Variants in CDH13 observed in about 807,000 individuals in gnomAD.
CDH13 encodes cadherin 13.
CDH13 carries 24 observed loss-of-function variants against 63.8 expected under a neutral mutation model. That is an observed-to-expected ratio of 0.38 (90% CI 0.27 to 0.53). The LOEUF is 0.53. CDH13 is among the 20% of genes least tolerant of loss of function. The pLI is 0.85. For synonymous variants in CDH13, 503 were observed against 355.3 expected (o/e 1.42, Z -4.67); for missense variants, 1,049 against 903.1 (o/e 1.16, Z -2.07).
At chr16:82,857,389 T>C (rs1230349823) in intron 1 of CDH13, among the ~76,000 whole-genome samples, 1 of 152,212 alleles carries the variant, frequency 6.6e-6, no homozygotes, top group Non-Finnish European at 1.5e-5. Flanking sequence ...CCAGTATGTG[T>C]GGTAGGTGCT....
rs563939838 is a variant in CDH13 at position 83,497,229 on chromosome 16, C to T, written c.960+10574C>T. Among the ~76,000 whole-genome samples, 31 of 151,814 alleles carry T rather than the reference C, an allele frequency of 2.0e-4. 1 individual carries two copies. The highest frequency in any genetic ancestry group is 6.8e-3 in the Middle Eastern group (2 of 294). On this transcript the variant is annotated intron_variant, in intron 7 of 13. Coordinates refer to ENST00000567109, the MANE Select transcript of CDH13 (RefSeq NM_001257.5). ...ATGCACACGTATGTTTATTGCGGCA[C>T]TATTCACAATAGCAAAGACTTGGAA...
At chr16:83,140,694 A>G (rs1415650287) in intron 4 of CDH13, among the ~76,000 whole-genome samples, 1 of 152,120 alleles carries the variant, frequency 6.6e-6, no homozygotes, top group African/African-American at 2.4e-5. Flanking sequence ...ACCTCAGGTG[A>G]TCCACCCGCC....
chr16:82,833,515 G>A (rs745956044), intron 1 of CDH13, among the ~76,000 whole-genome samples: 4 of 152,194 alleles, frequency 2.6e-5, no homozygotes, highest in Non-Finnish European at 5.9e-5. Flanking sequence ...GTTGTCAAAT[G>A]CTGAGTTTGC....
Position 82,934,456 on chromosome 16 carries a change from G to A in CDH13, c.157+75983G>A, listed in dbSNP as rs142019201. 3.9e-5 allele frequency among the ~76,000 whole-genome samples: 6 copies of A among 152,290 alleles called. No homozygotes were observed. In the East Asian group the frequency reaches 1.2e-3, roughly 29 times the overall value. The stretch of plus-strand genomic sequence containing the variant: ...CATCTAGGCCTCAGGGCCTGTGATG[G>A]CAGGGGCTACCATGAAGATCTGTGA... On this transcript the variant is annotated intron_variant, in intron 2 of 13. Coordinates refer to ENST00000567109, the MANE Select transcript of CDH13 (RefSeq NM_001257.5).
chr16:83,284,302 G>A (rs956942166), intron 5 of CDH13, among the ~76,000 whole-genome samples: 3 of 152,156 alleles, frequency 2.0e-5, no homozygotes, highest in East Asian at 3.9e-4. Context: ...ACTAGATGGC[G>A]CTGGACTTAC....
chr16:82,760,361 C>T (rs1014617714), intron 1 of CDH13, among the ~76,000 whole-genome samples: 3 of 152,050 alleles, frequency 2.0e-5, no homozygotes, highest in Non-Finnish European at 2.9e-5. Context: ...AGGAAGTGGC[C>T]ACATCATAGT....
intron 1 of CDH13, among the ~76,000 whole-genome samples, chr16:82,746,619 G>A (rs7201087): frequency 0.26 from 39,743 of 151,462 alleles, 5,855 homozygotes; most frequent in South Asian, 0.38. Flanking sequence ...AAACCAAGAG[G>A]CATACTAGAA....
chr16:82,804,180 A>AC (rs3042612), intron 1 of CDH13, among the ~76,000 whole-genome samples: 20,967 of 151,356 alleles, frequency 0.14, 1,963 homozygotes, highest in African/African-American at 0.26. Flanking sequence ...GTGAGCTGAG[A>AC]TCACGCTACT....
At chr16:83,327,120 C>T (rs2090381688) in intron 5 of CDH13, among the ~76,000 whole-genome samples, 1 of 152,222 alleles carries the variant, frequency 6.6e-6, no homozygotes, top group African/African-American at 2.4e-5. Context: ...CAGATGGAAT[C>T]ACTTCAGTGA....
At chr16:83,757,367 C>A (rs1913597017) in intron 11 of CDH13, among the ~76,000 whole-genome samples, 1 of 152,162 alleles carries the variant, frequency 6.6e-6, no homozygotes, top group African/African-American at 2.4e-5. Context: ...CACCTGAGGT[C>A]AGGAGATCGA....
intron 8 of CDH13, among the ~76,000 whole-genome samples, chr16:83,657,045 G>C (rs964448514): frequency 2.7e-4 from 41 of 152,096 alleles, no homozygotes; most frequent in African/African-American, 8.2e-4. Context: ...CACTCAGTTG[G>C]GCTTCACTCT....
intron 6 of CDH13, among the ~76,000 whole-genome samples, chr16:83,377,400 C>G (rs965349909): frequency 1.3e-4 from 20 of 152,164 alleles, no homozygotes; most frequent in African/African-American, 4.1e-4. Context: ...AAGGCTATCT[C>G]TCTATGTGGA....
At chr16:83,159,480 A>G (rs557326345) in intron 4 of CDH13, among the ~76,000 whole-genome samples, 1 of 152,344 alleles carries the variant, frequency 6.6e-6, no homozygotes, top group South Asian at 2.1e-4. Context: ...ACTGAGCTAA[A>G]GTCTCTATGG....
chr16:83,166,414 C>G (rs918831632), intron 4 of CDH13, among the ~76,000 whole-genome samples: 3 of 152,084 alleles, frequency 2.0e-5, no homozygotes, highest in East Asian at 3.9e-4. Flanking sequence ...GGGCAAAACT[C>G]AGCACATCTC....
intron 4 of CDH13, among the ~76,000 whole-genome samples, chr16:83,198,461 T>A (rs1342383785): frequency 6.6e-6 from 1 of 152,164 alleles, no homozygotes; most frequent in Non-Finnish European, 1.5e-5. Context: ...ATGGACCAGC[T>A]GGGAAGACTG....
At chr16:83,646,829 C>T (rs1386422778) in intron 8 of CDH13, among the ~76,000 whole-genome samples, 1 of 151,776 alleles carries the variant, frequency 6.6e-6, no homozygotes, top group Non-Finnish European at 1.5e-5. Flanking sequence ...GCCATGAGAC[C>T]TGGTCTGATG....
Position 83,007,125 on chromosome 16 carries a change from T to C in CDH13, c.158-24885T>C, listed in dbSNP as rs191519642. On this transcript the variant is annotated intron_variant, in intron 2 of 13. Transcript: ENST00000567109. The stretch of plus-strand genomic sequence containing the variant: ...GTGGTAGAGACGGGGTTTCTCCATG[T>C]TGGTCAGGCTGGTCTTGAACTCTCG... 2.0e-4 allele frequency among the ~76,000 whole-genome samples: 30 copies of C among 152,218 alleles called. No homozygotes were observed. The East Asian group carries it at 4.7e-3, about 24-fold the overall frequency.
chr16:82,899,910 T>A (rs2041403370), intron 2 of CDH13, among the ~76,000 whole-genome samples: 1 of 152,220 alleles, frequency 6.6e-6, no homozygotes, highest in Non-Finnish European at 1.5e-5. Flanking sequence ...AGTGAGCATG[T>A]GCAAGTGATT....
In CDH13 at chr16:82,672,798, CACAT is replaced by C. The variant is rs767080451; in HGVS notation, c.45+45665_45+45668del. ...ACACACACACACACACACACACACACACATACACACACACACACAAAATATATAT... is the reference window on the plus strand; with the variant it reads ...ACACACACACACACACACACACACACACACACACACACACAAAATATATAT... On this transcript the variant is annotated intron_variant, in intron 1 of 13. Coordinates refer to ENST00000567109, the MANE Select transcript of CDH13 (RefSeq NM_001257.5). 4.1e-5 allele frequency among the ~76,000 whole-genome samples: 6 copies of C among 145,598 alleles called. No individual in the cohort carries two copies. The South Asian group carries it at 8.9e-4, about 22-fold the overall frequency.
Sources: gnomAD v4.1 joint callset for allele counts (sites outside exome capture counted in the v4.1 genomes callset) on GRCh38, gnomAD v4.1.1 for gene constraint, MANE v1.5 for transcripts, NCBI Gene and HGNC (gene_info 2026-07-23, HGNC 2026-07-21) for gene names.